Variants in PCDHA6 observed in about 807,000 individuals in gnomAD.
PCDHA6 encodes the protein protocadherin alpha-6.
Under a neutral mutation model 60.3 loss-of-function variants are expected in PCDHA6, and 55 were observed. That is an observed-to-expected ratio of 0.91 (90% CI 0.73 to 1.14). The LOEUF (loss-of-function observed/expected upper bound fraction) is 1.14. Ranked by LOEUF, PCDHA6 falls within the 50% of genes most tolerant of loss-of-function variation. The pLI, the probability that PCDHA6 is intolerant of heterozygous loss-of-function variation, is 0.00. For missense variants in PCDHA6, 1,327 were observed against 1,256.5 expected (o/e 1.06, Z -0.85); for synonymous variants, 652 against 557.9 (o/e 1.17, Z -2.38).
chr5:140,874,321 T>C (rs1476462736), intron 1 of PCDHA6, among the ~76,000 whole-genome samples: 2 of 151,726 alleles, frequency 1.3e-5, no homozygotes, highest in Non-Finnish European at 2.9e-5. Flanking sequence ...TGTAGGATCT[T>C]ATCTGTTTTT....
chr5:140,974,302 C>G (rs782329639), intron 1 of PCDHA6, among the ~76,000 whole-genome samples: 1 of 152,176 alleles, frequency 6.6e-6, no homozygotes, highest in Non-Finnish European at 1.5e-5. Flanking sequence ...GGAGGTACAA[C>G]TGTGAGTGAG....
At chr5:140,900,280 T>G (rs549563825) in intron 1 of PCDHA6, among the ~76,000 whole-genome samples, 1 of 152,182 alleles carries the variant, frequency 6.6e-6, no homozygotes, top group Admixed American at 6.5e-5. Flanking sequence ...TGTACCACAC[T>G]TTCTTTTCTG....
At chr5:140,971,844 C>T (rs1209652703) in intron 1 of PCDHA6, among the ~76,000 whole-genome samples, 2 of 151,920 alleles carry the variant, frequency 1.3e-5, no homozygotes, top group African/African-American at 2.4e-5. Flanking sequence ...GCAAGTCATG[C>T]GTTAAATATT....
intron 1 of PCDHA6, chr5:140,969,449 AG>A (rs1470034134): frequency 2.8e-5 from 43 of 1,510,842 alleles, no homozygotes; most frequent in Non-Finnish European, 3.2e-5. Flanking sequence ...TGGTAAACTG[AG>A]TATATATAGT....
At chr5:140,870,494 A>G (rs782779572) in intron 1 of PCDHA6, 1 of 1,614,236 alleles carries the variant, frequency 6.2e-7, no homozygotes, top group South Asian at 1.1e-5. Flanking sequence ...GTGTTCGTGA[A>G]GGAGAACAAC....
chr5:140,888,755 T>C (rs1290458155), intron 1 of PCDHA6, among the ~76,000 whole-genome samples: 1 of 146,364 alleles, frequency 6.8e-6, no homozygotes, highest in African/African-American at 2.5e-5. Flanking sequence ...TTCTACCCAC[T>C]TTTTTTTTTA....
At chr5:140,871,639 A>T in intron 1 of PCDHA6, 1 of 1,347,750 alleles carries the variant, frequency 7.4e-7, no homozygotes, top group East Asian at 2.5e-5. Context: ...CTGTTCATAA[A>T]ATACCAAATG....
intron 1 of PCDHA6, among the ~76,000 whole-genome samples, chr5:140,920,841 T>TAAAAAAAAA (rs781921146): frequency 9.2e-6 from 1 of 109,226 alleles, no homozygotes; most frequent in Non-Finnish European, 1.9e-5. Context: ...AGACCAAATC[T>TAAAAAAAAA]AAAAAAAAAA....
chr5:140,828,005 G>A lies in PCDHA6; in HGVS notation c.-87G>A. 6.7e-7 allele frequency: 1 copy of A among 1,502,916 alleles called. No homozygotes were observed. Among genetic ancestry groups the A allele is most frequent in the Non-Finnish European group, 8.9e-7 (1 of 1,121,336 alleles). The allele number at this position is 1,502,916 out of a possible 1,614,324, so 93.1% of individuals were successfully genotyped here. On this transcript the variant is annotated 5_prime_UTR_variant, in exon 1 of 4. Coordinates refer to ENST00000529310, the MANE Select transcript of PCDHA6 (RefSeq NM_018909.4). ...CTGTTGAATGATGGCGGACGCAGAA[G>A]AAATGGATTAATAAATTCCGGAACA... is the stretch of plus-strand genomic sequence containing the variant.
chr5:140,838,075 ATAGTGTGTGTGTGTGT>A (rs1457596432), intron 1 of PCDHA6, among the ~76,000 whole-genome samples: 1,771 of 128,230 alleles, frequency 0.014, 43 homozygotes, highest in African/African-American at 0.016. Flanking sequence ...TTATATATAT[ATAGTGTGTGTGTGTGT>A]GTGTGTGTGT....
At chr5:140,841,102 G>A (rs2150311111) in intron 1 of PCDHA6, 21 of 575,248 alleles carry the variant, frequency 3.7e-5, no homozygotes, top group Non-Finnish European at 9.0e-6. Flanking sequence ...CAGATATTGC[G>A]GAAGTAATTC....
intron 1 of PCDHA6, among the ~76,000 whole-genome samples, chr5:140,965,905 G>A (rs76116187): frequency 0.016 from 2,504 of 152,338 alleles, 69 homozygotes; most frequent in African/African-American, 0.056. Context: ...TGGATCCCAG[G>A]ATGCTGGTTT....
At chr5:140,920,199 C>G (rs2079510871) in intron 1 of PCDHA6, among the ~76,000 whole-genome samples, 1 of 152,116 alleles carries the variant, frequency 6.6e-6, no homozygotes, top group African/African-American at 2.4e-5. Flanking sequence ...GTCACAGCAG[C>G]CACAGAAAAC....
intron 1 of PCDHA6, among the ~76,000 whole-genome samples, chr5:140,915,632 CT>C (rs782761734): frequency 6.2e-5 from 9 of 144,496 alleles, no homozygotes; most frequent in Non-Finnish European, 1.3e-4. Context: ...TTCTGTCTCT[CT>C]CTCTCTCTCT....
intron 3 of PCDHA6, among the ~76,000 whole-genome samples, chr5:141,007,395 CA>C (rs35800918): frequency 0.59 from 55,851 of 95,076 alleles, 14,598 homozygotes; most frequent in African/African-American, 0.74. Context: ...TACTAAAATA[CA>C]AAAAAAAAAA....
At chr5:140,842,322 G>C (rs1349163820) in intron 1 of PCDHA6, 7 of 1,607,496 alleles carry the variant, frequency 4.4e-6, no homozygotes, top group Admixed American at 3.3e-5. Flanking sequence ...GCGGGTCATT[G>C]CACCGTTTTA....
intron 1 of PCDHA6, chr5:140,966,752 C>T (rs1013247328): frequency 3.5e-6 from 5 of 1,432,026 alleles, no homozygotes; most frequent in Non-Finnish European, 4.6e-6. Flanking sequence ...GCTGCCTCCG[C>T]CGCGGCCAGT....
At chr5:140,847,637 AAAG>A (rs1781114479) in intron 1 of PCDHA6, 1 of 149,768 alleles carries the variant, frequency 6.7e-6, no homozygotes, top group Admixed American at 6.7e-5. Context: ...TGGAGACTAC[AAAG>A]AAGAGATTAT....
At chr5:140,845,127 A>G (rs1183874019) in intron 1 of PCDHA6, among the ~76,000 whole-genome samples, 4 of 149,560 alleles carry the variant, frequency 2.7e-5, no homozygotes, top group Non-Finnish European at 6.0e-5. Flanking sequence ...TTAGCATTTT[A>G]TTTGACTATT....
Sources: allele counts gnomAD v4.1 joint callset (sites outside exome capture counted in the v4.1 genomes callset), GRCh38; gene constraint gnomAD v4.1.1; transcripts MANE v1.5; gene names NCBI Gene and HGNC (gene_info 2026-07-23, HGNC 2026-07-21).